The following PPARGC1B variants were observed in gnomAD, a reference collection of about 807,000 sequenced individuals.
PPARGC1B encodes peroxisome proliferator-activated receptor gamma coactivator 1-beta.
A neutral mutation model predicts 101.6 loss-of-function variants in PPARGC1B; 34 were observed. The observed-to-expected ratio is 0.33, with a 90% CI of 0.25 to 0.45. The LOEUF (loss-of-function observed/expected upper bound fraction) is 0.45. PPARGC1B is among the 20% of genes least tolerant of loss of function. The pLI, the probability that PPARGC1B is intolerant of heterozygous loss-of-function variation, is 1.00. For missense variants in PPARGC1B, 1,234 were observed against 1,317.6 expected, an observed-to-expected ratio of 0.94 and a Z score of 0.98; for synonymous variants, 548 against 539.3, an observed-to-expected ratio of 1.02 and a Z score of -0.22.
chr5:149,803,268 G>A (rs1757491020), intron 1 of PPARGC1B, among the ~76,000 whole-genome samples: 3 of 152,200 alleles, frequency 2.0e-5, no homozygotes, highest in Admixed American at 2.0e-4. Flanking sequence ...AGGACTCAGA[G>A]GTCTTGAGAT....
At chr5:149,857,660 A>G (rs1759990873), downstream of PPARGC1B, among the ~76,000 whole-genome samples, 1 of 152,206 alleles carries the variant, frequency 6.6e-6, no homozygotes, top group African/African-American at 2.4e-5. Flanking sequence ...AGCAGGGCCC[A>G]TGCGTCAGGA....
chr5:149,803,665 C>A (rs1334797412), intron 1 of PPARGC1B, among the ~76,000 whole-genome samples: 1 of 152,178 alleles, frequency 6.6e-6, no homozygotes, highest in Non-Finnish European at 1.5e-5. Context: ...GTTATTCTGT[C>A]ATTAGCACAC....
chr5:149,777,645 C>T (rs777054086), intron 1 of PPARGC1B, among the ~76,000 whole-genome samples: 10 of 152,258 alleles, frequency 6.6e-5, no homozygotes, highest in Middle Eastern at 6.8e-3. Context: ...AGGAAACTGC[C>T]GGGCAGCCGG....
chr5:149,777,438 G>T (rs922293789), intron 1 of PPARGC1B, among the ~76,000 whole-genome samples: 1 of 152,050 alleles, frequency 6.6e-6, no homozygotes, highest in Non-Finnish European at 1.5e-5. Context: ...GCCATTGGCA[G>T]CCCCTGCCCG....
intron 1 of PPARGC1B, among the ~76,000 whole-genome samples, chr5:149,750,453 A>AAAATATAT (rs1223165218): frequency 5.7e-5 from 7 of 123,230 alleles, no homozygotes; most frequent in Non-Finnish European, 1.2e-4. Flanking sequence ...TTTTAGTTAA[A>AAAATATAT]ATATATATAT....
chr5:149,750,288 G>T (rs974153055), intron 1 of PPARGC1B, among the ~76,000 whole-genome samples: 2 of 151,370 alleles, frequency 1.3e-5, no homozygotes, highest in African/African-American at 4.9e-5. Context: ...CTTCAGGCCA[G>T]ATTTTTTTTT....
intron 1 of PPARGC1B, among the ~76,000 whole-genome samples, chr5:149,810,009 A>G (rs1458198450): frequency 1.3e-5 from 2 of 152,214 alleles, no homozygotes; most frequent in Non-Finnish European, 2.9e-5. Context: ...TGGACACTCA[A>G]GCCACACAAC....
At chr5:149,798,357 G>GT (rs1757307901) in intron 1 of PPARGC1B, among the ~76,000 whole-genome samples, 1 of 152,160 alleles carries the variant, frequency 6.6e-6, no homozygotes, top group Admixed American at 6.5e-5. Flanking sequence ...GTTTAGTTCT[G>GT]TTTTTATAAT....
At chr5:149,773,983 C>T (rs554855899) in intron 1 of PPARGC1B, among the ~76,000 whole-genome samples, 3 of 152,338 alleles carry the variant, frequency 2.0e-5, no homozygotes, top group Admixed American at 6.5e-5. Flanking sequence ...CCTGTACCTG[C>T]CAGTCAGAAA....
intron 1 of PPARGC1B, among the ~76,000 whole-genome samples, chr5:149,811,561 C>G (rs1162213257): frequency 6.6e-6 from 1 of 152,056 alleles, no homozygotes; most frequent in Non-Finnish European, 1.5e-5. Flanking sequence ...TGGGAGCAGA[C>G]CAGCTGAGGC....
chr5:149,825,172 G>A (rs57034468), intron 2 of PPARGC1B, among the ~76,000 whole-genome samples: 11,464 of 152,282 alleles, frequency 0.075, 523 homozygotes, highest in East Asian at 0.16. Flanking sequence ...GCCTCTGGGC[G>A]TGGGGGCCTG....
chr5:149,845,993 G>A, intron 11 of PPARGC1B, 79 bp downstream of exon 11: 1 of 1,568,220 alleles, frequency 6.4e-7, no homozygotes, highest in Non-Finnish European at 8.8e-7. Context: ...AAAACCCAGA[G>A]CTAAAGCGCC....
chr5:149,784,346 G>A (rs141798481), intron 1 of PPARGC1B, among the ~76,000 whole-genome samples: 88 of 151,956 alleles, frequency 5.8e-4, no homozygotes, highest in African/African-American at 2.1e-3. Context: ...ACCTCATGGG[G>A]CTTCCTGCTG....
intron 1 of PPARGC1B, among the ~76,000 whole-genome samples, chr5:149,788,979 G>A (rs2113249360): frequency 6.6e-6 from 1 of 152,270 alleles, no homozygotes; most frequent in Admixed American, 6.5e-5. Flanking sequence ...TAATGTAGAT[G>A]ACGAGTTAAT....
chr5:149,857,059 CA>C (rs1265859936), downstream of PPARGC1B, among the ~76,000 whole-genome samples: 11 of 151,986 alleles, frequency 7.2e-5, no homozygotes, highest in Non-Finnish European at 1.5e-4. Context: ...GGCATTGAGC[CA>C]CCACGCCTGG....
chr5:149,818,825 A>G (rs1346253478), intron 1 of PPARGC1B: 1 of 456,614 alleles, frequency 2.2e-6, no homozygotes, highest in East Asian at 7.0e-5. Flanking sequence ...CTATAATGAC[A>G]TTGCCTCTTT....
intron 1 of PPARGC1B, among the ~76,000 whole-genome samples, chr5:149,766,825 T>A (rs1484718750): frequency 6.6e-6 from 1 of 152,220 alleles, no homozygotes; most frequent in African/African-American, 2.4e-5. Context: ...GGCAGTTAGG[T>A]GGCCTCTTTG....
chr5:149,816,544 T>C (rs890144120), intron 1 of PPARGC1B, among the ~76,000 whole-genome samples: 2 of 152,172 alleles, frequency 1.3e-5, no homozygotes, highest in Non-Finnish European at 2.9e-5. Flanking sequence ...TTTTGTCTGG[T>C]TTTTGAAGGG....
intron 1 of PPARGC1B, among the ~76,000 whole-genome samples, chr5:149,800,039 T>C (rs1313637574): frequency 6.6e-6 from 1 of 151,050 alleles, no homozygotes; most frequent in African/African-American, 2.4e-5. Context: ...ATGTATATGA[T>C]AAAAATAAAA....
Sources: allele counts gnomAD v4.1 joint callset (sites outside exome capture counted in the v4.1 genomes callset), GRCh38; gene constraint gnomAD v4.1.1; transcripts MANE v1.5; gene names NCBI Gene and HGNC (gene_info 2026-07-23, HGNC 2026-07-21).